The following LRRC4C variants were observed in gnomAD, a reference collection of about 807,000 sequenced individuals.
LRRC4C encodes leucine rich repeat containing 4C, also known as leucine-rich repeat-containing protein 4C.
Under a neutral mutation model 33.6 loss-of-function variants are expected in LRRC4C, and 5 were observed. The observed-to-expected ratio is 0.15, with a 90% CI of 0.08 to 0.31. The LOEUF (loss-of-function observed/expected upper bound fraction) is 0.31. Ranked by LOEUF, LRRC4C falls within the 10% of genes least tolerant of loss-of-function variation. The pLI is 1.00. For synonymous variants in LRRC4C, 329 were observed against 302.0 expected, an observed-to-expected ratio of 1.09 and a Z score of -0.93; for missense variants, 560 against 796.7, an observed-to-expected ratio of 0.70 and a Z score of 3.58.
intron 4 of LRRC4C, among the ~76,000 whole-genome samples, chr11:40,279,903 A>G (rs906395447): frequency 1.3e-5 from 2 of 152,174 alleles, no homozygotes; most frequent in South Asian, 2.1e-4. Context: ...TCATTTTAAA[A>G]TCTTTAGTAT....
At chr11:40,999,751 T>C (rs1294233847) in intron 1 of LRRC4C, among the ~76,000 whole-genome samples, 3 of 152,152 alleles carry the variant, frequency 2.0e-5, no homozygotes, top group African/African-American at 7.2e-5. Context: ...AAATATATCA[T>C]GGCAAGTATC....
intron 3 of LRRC4C, among the ~76,000 whole-genome samples, chr11:40,420,652 T>G (rs1468944960): frequency 6.6e-6 from 1 of 152,222 alleles, no homozygotes; most frequent in East Asian, 1.9e-4. Flanking sequence ...ATGCACTAAT[T>G]CAATGCTTAC....
intron 2 of LRRC4C, among the ~76,000 whole-genome samples, chr11:40,852,242 G>T (rs1953545681): frequency 6.6e-6 from 1 of 151,828 alleles, no homozygotes; most frequent in African/African-American, 2.4e-5. Context: ...ATACCCTGAG[G>T]ACCCTGGTGA....
rs530903138 is a variant in LRRC4C at position 41,323,706 on chromosome 11, C to T, written c.-496+135725G>A. Among the ~76,000 whole-genome samples, 4 of 152,176 alleles carry T rather than the reference C, an allele frequency of 2.6e-5. No individual in the cohort carries two copies. In the South Asian group the frequency reaches 6.2e-4, roughly 24 times the overall value. ...CACTCACATTGGCAGGACTGAAGCC[C>T]GTCTTACATCTGAGAGAATTACTAT... On this transcript the variant is annotated intron_variant, in intron 1 of 6. Coordinates refer to ENST00000528697, the MANE Select transcript of LRRC4C (RefSeq NM_001258419.2).
intron 1 of LRRC4C, among the ~76,000 whole-genome samples, chr11:41,254,279 A>G (rs757679669): frequency 1.1e-4 from 16 of 152,056 alleles, no homozygotes; most frequent in Non-Finnish European, 2.4e-4. Context: ...CAATAAATGC[A>G]CACCAACCCA....
chr11:40,904,127 C>A (rs1956321343), intron 2 of LRRC4C, among the ~76,000 whole-genome samples: 1 of 151,998 alleles, frequency 6.6e-6, no homozygotes, highest in Non-Finnish European at 1.5e-5. Flanking sequence ...AAAGTGGTTT[C>A]TTTCTGTTTT....
chr11:40,346,289 G>A (rs1457311452), intron 3 of LRRC4C, among the ~76,000 whole-genome samples: 1 of 152,090 alleles, frequency 6.6e-6, no homozygotes, highest in Non-Finnish European at 1.5e-5. Context: ...GCAAAGACAT[G>A]GAATCAACCT....
intron 1 of LRRC4C, among the ~76,000 whole-genome samples, chr11:41,162,761 T>G (rs1479475019): frequency 6.6e-6 from 1 of 152,216 alleles, no homozygotes; most frequent in Non-Finnish European, 1.5e-5. Flanking sequence ...AAAGTTGCTT[T>G]GGGAGAGCCA....
intron 3 of LRRC4C, among the ~76,000 whole-genome samples, chr11:40,538,897 G>A (rs1023133090): frequency 2.6e-5 from 4 of 152,160 alleles, no homozygotes; most frequent in Non-Finnish European, 5.9e-5. Flanking sequence ...GGCCAGTGAT[G>A]ATGAGCATTT....
intron 1 of LRRC4C, among the ~76,000 whole-genome samples, chr11:40,970,469 T>G (rs1328096641): frequency 2.0e-5 from 3 of 152,188 alleles, no homozygotes; most frequent in East Asian, 3.9e-4. Context: ...CCATATAGCC[T>G]GAAGAACCAT....
At chr11:40,622,074 TA>T in intron 3 of LRRC4C, among the ~76,000 whole-genome samples, 2 of 151,980 alleles carry the variant, frequency 1.3e-5, no homozygotes, top group Non-Finnish European at 2.9e-5. Context: ...ACAAAGTAAC[TA>T]AAACCAATCT....
At chr11:40,397,283 T>C (rs1337146934) in intron 3 of LRRC4C, among the ~76,000 whole-genome samples, 1 of 152,118 alleles carries the variant, frequency 6.6e-6, no homozygotes, top group East Asian at 1.9e-4. Context: ...AAAATTTAAC[T>C]TCAAAAAATA....
intron 1 of LRRC4C, among the ~76,000 whole-genome samples, chr11:41,095,522 A>C (rs1181683153): frequency 6.6e-6 from 1 of 152,220 alleles, no homozygotes; most frequent in Non-Finnish European, 1.5e-5. Flanking sequence ...TGATTGGAAG[A>C]GGAAACATGG....
At chr11:40,696,213 A>T (rs771162971) in intron 2 of LRRC4C, among the ~76,000 whole-genome samples, 1 of 147,712 alleles carries the variant, frequency 6.8e-6, no homozygotes, top group Non-Finnish European at 1.5e-5. Flanking sequence ...TATTATATGT[A>T]TATGAATTAG....
Position 40,315,651 on chromosome 11 carries a change from T to C in LRRC4C, c.-176+3977A>G, listed in dbSNP as rs149651409. 4.2e-3 allele frequency among the ~76,000 whole-genome samples: 640 copies of C among 152,076 alleles called. 10 individuals carry two copies. Among genetic ancestry groups the C allele is most frequent in the African/African-American group, 0.015 (608 of 41,474 alleles). ...TTAGTTTTTTAAGTTGTTTCCAATA[T>C]ATTGCAACTGCTTACAATACTCTAA... On this transcript the variant is annotated intron_variant, in intron 4 of 6. Transcript: ENST00000528697.
intron 1 of LRRC4C, among the ~76,000 whole-genome samples, chr11:41,176,967 TAAAAC>T (rs138933488): frequency 0.044 from 6,549 of 147,636 alleles, 185 homozygotes; most frequent in African/African-American, 0.081. Context: ...TCCATCTCTA[TAAAAC>T]AAAACAAAAC....
intron 1 of LRRC4C, among the ~76,000 whole-genome samples, chr11:41,353,755 A>T (rs1038625057): frequency 6.6e-6 from 1 of 152,156 alleles, no homozygotes; most frequent in Admixed American, 6.5e-5. Flanking sequence ...ACATAAACAG[A>T]ACTAAAAACA....
rs1855367784 is a variant in LRRC4C at position 41,013,577 on chromosome 11, G to C, written c.-495-79854C>G. Among the ~76,000 whole-genome samples the C allele has an allele frequency of 2.0e-5, 3 of 152,218 alleles. No individual in the cohort carries two copies. In the South Asian group the frequency reaches 6.2e-4, roughly 32 times the overall value. On this transcript the variant is annotated intron_variant, in intron 1 of 6. Transcript: ENST00000528697. ...AATATTGTGTCATAGTCTGTTTGGG[G>C]TGCTATAATAACCATATCATAAACT...
intron 1 of LRRC4C, among the ~76,000 whole-genome samples, chr11:41,437,014 A>G (rs965622066): frequency 1.3e-5 from 2 of 152,192 alleles, no homozygotes; most frequent in African/African-American, 2.4e-5. Flanking sequence ...TTTTGTTAGT[A>G]TCTCCATTCT....
Sources: allele counts gnomAD v4.1 joint callset (sites outside exome capture counted in the v4.1 genomes callset), GRCh38; gene constraint gnomAD v4.1.1; transcripts MANE v1.5; gene names NCBI Gene and HGNC (gene_info 2026-07-23, HGNC 2026-07-21).